The following SERINC1 variants were observed in gnomAD, a reference collection of about 807,000 sequenced individuals.
The protein encoded by SERINC1 is tumor differentially expressed protein 2.
Under a neutral mutation model 52.9 loss-of-function variants are expected in SERINC1, and 38 were observed. The observed-to-expected ratio is 0.72, with a 90% CI of 0.55 to 0.94. The LOEUF (loss-of-function observed/expected upper bound fraction) is 0.94, where lower values mean the gene tolerates loss of function less well. Among genes scored for constraint, SERINC1 ranks in the 40% least tolerant of loss-of-function variants. The pLI, the probability that SERINC1 is intolerant of heterozygous loss-of-function variation, is 0.00. For synonymous variants in SERINC1, 198 were observed against 183.1 expected, an observed-to-expected ratio of 1.08 and a Z score of -0.66; for missense variants, 471 against 533.9, an observed-to-expected ratio of 0.88 and a Z score of 1.16.
rs1360578765 is a variant in SERINC1, at chr6:122,443,438, T to C, written c.*1606A>G. On this transcript the variant is annotated 3_prime_UTR_variant, in exon 10 of 10. Coordinates refer to ENST00000339697, the MANE Select transcript of SERINC1 (RefSeq NM_020755.4). Reference sequence around the variant, plus strand: ...CTACACACAGAATAAGGTTGGGGAATTAAGCTGAATTGTTATATTCCATTC... The same window carrying C: ...CTACACACAGAATAAGGTTGGGGAACTAAGCTGAATTGTTATATTCCATTC... The C allele has an allele frequency of 6.6e-6, 1 of 152,096 alleles. No homozygotes were observed. The highest frequency in any genetic ancestry group is 2.4e-5 in the African/African-American group (1 of 41,360). The allele number at this position is 152,096 out of a possible 1,614,324, so 9.4% of individuals were successfully genotyped here. A position where few individuals can be genotyped will look rare whatever the true frequency, so the allele number is the denominator to read the frequency against.
chr6:122,471,639 G>C (rs937340524), intron 1 of SERINC1, 60 bp downstream of exon 1: 36 of 1,610,344 alleles, frequency 2.2e-5, no homozygotes, highest in African/African-American at 1.6e-4. Context: ...GCCCCGGCTC[G>C]GATCGCCTTC....
At chr6:122,451,225 C>T (rs1774897722) in intron 7 of SERINC1, among the ~76,000 whole-genome samples, 1 of 152,152 alleles carries the variant, frequency 6.6e-6, no homozygotes, top group African/African-American at 2.4e-5. Flanking sequence ...GGCAAGACCT[C>T]CTACCAGCAA....
At chr6:122,445,211 G>A (rs769801944) in intron 9 of SERINC1, 32 bp from the exon 10 acceptor site, 2 of 1,605,722 alleles carry the variant, frequency 1.2e-6, no homozygotes, top group Non-Finnish European at 1.7e-6. Flanking sequence ...TTAAAAAGGG[G>A]CAAGGGGGTT....
intron 1 of SERINC1, among the ~76,000 whole-genome samples, chr6:122,465,531 C>T (rs1474354885): frequency 6.6e-6 from 1 of 152,164 alleles, no homozygotes; most frequent in East Asian, 1.9e-4. Context: ...CAGGTATATT[C>T]CCCAGGTTGG....
chr6:122,454,494 GA>G, intron 3 of SERINC1: 2 of 317,594 alleles, frequency 6.3e-6, no homozygotes, highest in Non-Finnish European at 1.2e-5. Context: ...TTTCCAATTG[GA>G]AAAAACAAAG....
chr6:122,458,548 A>G lies in SERINC1; in HGVS notation c.173T>C (p.Ile58Thr). The change falls in exon 2 of 10, where the codon ATA becomes ACA. Residue 58 changes from isoleucine (I) to threonine (T), a missense_variant. Transcript: ENST00000339697. ...ATTCAGTTGTTCTTCCATTCCTGGTATCAACATTACACAAGCTACACATAC... is the reference window on the plus strand; with the variant it reads ...ATTCAGTTGTTCTTCCATTCCTGGTGTCAACATTACACAAGCTACACATAC... ...VGVCVACVMLIPGMEEQLNKI... is the reference protein window; with the variant it reads ...VGVCVACVMLTPGMEEQLNKI... 1 of 1,613,022 alleles carries G rather than the reference A, an allele frequency of 6.2e-7. No individual in the cohort carries two copies. The highest frequency in any genetic ancestry group is 1.6e-4 in the Middle Eastern group (1 of 6,062).
chr6:122,445,662 C>A (rs1315556928), intron 9 of SERINC1, among the ~76,000 whole-genome samples: 2 of 143,614 alleles, frequency 1.4e-5, no homozygotes, highest in African/African-American at 5.2e-5. Context: ...GGAAATATAT[C>A]TCAAGTTTAA....
Position 122,452,062 on chromosome 6 carries a change from GA to G in SERINC1, c.590-6del. The G allele has an allele frequency of 6.7e-7, 1 of 1,485,648 alleles. No homozygotes were observed. The highest frequency in any genetic ancestry group is 9.0e-7 in the Non-Finnish European group (1 of 1,116,562). 92.0% of individuals were successfully genotyped at this position (1,485,648 alleles called of 1,614,324 possible). ...GAGCTGTAGCTGATAACAAGGCTGT[GA>G]AAGAAATATAATTGGATAATTAGCT... On this transcript the variant is annotated splice_polypyrimidine_tract_variant and splice_region_variant and intron_variant, in intron 5 of 9. Transcript: ENST00000339697.
chr6:122,459,527 T>A (rs915026396), intron 1 of SERINC1, among the ~76,000 whole-genome samples: 4 of 152,142 alleles, frequency 2.6e-5, no homozygotes, highest in African/African-American at 9.7e-5. Flanking sequence ...CTGCTTTATA[T>A]TAAACGTCCA....
chr6:122,468,094 T>A (rs1454216688), intron 1 of SERINC1, among the ~76,000 whole-genome samples: 2 of 152,202 alleles, frequency 1.3e-5, no homozygotes, highest in Non-Finnish European at 2.9e-5. Flanking sequence ...TTAAAAAATT[T>A]AAAAATGATA....
intron 7 of SERINC1, among the ~76,000 whole-genome samples, chr6:122,450,123 C>A (rs181552922): frequency 6.6e-6 from 1 of 152,340 alleles, no homozygotes; most frequent in East Asian, 1.9e-4. Flanking sequence ...ACTTTCATAG[C>A]TATAGAGAAG....
In SERINC1 at chr6:122,444,256, G is replaced by A. The variant is rs1003305295; in HGVS notation, c.*788C>T. 11 of 152,344 alleles carry A rather than the reference G, an allele frequency of 7.2e-5. No individual in the cohort carries two copies. Among genetic ancestry groups the A allele is most frequent in the Middle Eastern group, 3.4e-3 (1 of 294 alleles). The allele number at this position is 152,344 out of a possible 1,614,324, so 9.4% of individuals were successfully genotyped here. On this transcript the variant is annotated 3_prime_UTR_variant, in exon 10 of 10. Transcript: ENST00000339697. ...CCCACCTCAGCCTCCCAAAGTGCTG[G>A]GATTACAAGGGTGAGCTACCGTGCT... is the stretch of plus-strand genomic sequence containing the variant.
chr6:122,467,102 GA>G (rs949045060), intron 1 of SERINC1, among the ~76,000 whole-genome samples: 2 of 151,552 alleles, frequency 1.3e-5, no homozygotes, highest in Non-Finnish European at 2.9e-5. Context: ...AAGCAATGAA[GA>G]AAAAAAGGGT....
In SERINC1 at chr6:122,469,156, A is replaced by C. The variant is rs190844756; in HGVS notation, c.39+2543T>G. 2.8e-4 allele frequency among the ~76,000 whole-genome samples: 43 copies of C among 152,116 alleles called. 1 individual carries two copies. The highest frequency in any genetic ancestry group is 5.9e-4 in the Non-Finnish European group (40 of 67,990). ...GCAAACAAAAAGTGAACAATTTAAC[A>C]CTCCAATTTCTGCTCAGTGGTATTA... On this transcript the variant is annotated intron_variant, in intron 1 of 9. Coordinates refer to ENST00000339697, the MANE Select transcript of SERINC1 (RefSeq NM_020755.4).
At chr6:122,450,069 A>G (rs1774878146) in intron 7 of SERINC1, among the ~76,000 whole-genome samples, 4 of 152,216 alleles carry the variant, frequency 2.6e-5, no homozygotes, top group Admixed American at 6.5e-5. Context: ...CAGATTTTCA[A>G]TAAAGACAAC....
chr6:122,455,539 C>T (rs1774978862), intron 3 of SERINC1, among the ~76,000 whole-genome samples: 1 of 152,066 alleles, frequency 6.6e-6, no homozygotes, highest in Non-Finnish European at 1.5e-5. Flanking sequence ...TGCTCCTCAG[C>T]TTGCAGATGG....
chr6:122,456,791 G>A, intron 2 of SERINC1, 141 bp from the exon 3 acceptor site: 1 of 590,002 alleles, frequency 1.7e-6, no homozygotes, highest in South Asian at 2.9e-5. Flanking sequence ...TACTCAAGAT[G>A]AGTCTGATAC....
intron 1 of SERINC1, among the ~76,000 whole-genome samples, chr6:122,470,755 G>C (rs1018964076): frequency 6.6e-6 from 1 of 152,058 alleles, no homozygotes; most frequent in Non-Finnish European, 1.5e-5. Context: ...GCAATTGTTA[G>C]AAACAGAATT....
At position 122,451,758 on chromosome 6, in the gene SERINC1, C is replaced by CAAAAAAAAAAAAAAAAAAA; in HGVS notation, c.760-23_760-5dup. The CAAAAAAAAAAAAAAAAAAA allele has an allele frequency of 1.1e-5, 1 of 87,684 alleles. No individual in the cohort carries two copies. Among genetic ancestry groups the CAAAAAAAAAAAAAAAAAAA allele is most frequent in the Non-Finnish European group, 1.7e-5 (1 of 60,094 alleles). 5.4% of individuals were successfully genotyped at this position (87,684 alleles called of 1,614,324 possible). A position where few individuals can be genotyped will look rare whatever the true frequency, so the allele number is the denominator to read the frequency against. ...AACCAGATCTTGGTTGTGATTCCTA[C>CAAAAAAAAAAAAAAAAAAA]AAAAAAAAAAAAAAAAAAATATATA... On this transcript the variant is annotated splice_region_variant and splice_polypyrimidine_tract_variant and intron_variant, in intron 6 of 9. Transcript: ENST00000339697.
Sources: allele counts gnomAD v4.1 joint callset (sites outside exome capture counted in the v4.1 genomes callset), GRCh38; gene constraint gnomAD v4.1.1; transcripts MANE v1.5; gene names NCBI Gene and HGNC (gene_info 2026-07-23, HGNC 2026-07-21).